The following SLC12A6 variants were observed in gnomAD, a reference collection of about 807,000 sequenced individuals.
SLC12A6 encodes the protein solute carrier family 12 member 6, also known as K-Cl cotransporter 3.
Under a neutral mutation model 135.3 loss-of-function variants are expected in SLC12A6, and 66 were observed. The observed-to-expected ratio is 0.49, with a 90% CI of 0.40 to 0.60. The LOEUF (loss-of-function observed/expected upper bound fraction) is 0.60, where lower values mean the gene tolerates loss of function less well. Ranked by LOEUF, SLC12A6 falls within the 20% of genes least tolerant of loss-of-function variation. SLC12A6 has a pLI of 0.00. For missense variants in SLC12A6, 1,058 were observed against 1,452.3 expected, an observed-to-expected ratio of 0.73 and a Z score of 4.41; for synonymous variants, 513 against 508.8, an observed-to-expected ratio of 1.01 and a Z score of -0.11.
In SLC12A6 at chr15:34,269,232, C is replaced by T. The variant is rs575512987; in HGVS notation, c.316+6113G>A. Among the ~76,000 whole-genome samples the T allele has an allele frequency of 2.6e-5, 4 of 152,232 alleles. No individual in the cohort carries two copies. The South Asian group carries it at 8.3e-4, about 32-fold the overall frequency. ...TTTTGGGAAACTTACTGGTGTTTCA[C>T]TGCATAATTCAAATGAAAACTGATA... is the stretch of plus-strand genomic sequence containing the variant. On this transcript the variant is annotated intron_variant, in intron 3 of 25. Coordinates refer to ENST00000354181, the MANE Select transcript of SLC12A6 (RefSeq NM_001365088.1).
chr15:34,262,002 T>G (rs1395094199), intron 3 of SLC12A6, among the ~76,000 whole-genome samples: 1 of 150,438 alleles, frequency 6.6e-6, no homozygotes, highest in Non-Finnish European at 1.5e-5. Context: ...TTACTGGGTA[T>G]ATACCCAAAG....
chr15:34,246,490 TA>T (rs1595421178), intron 13 of SLC12A6, among the ~76,000 whole-genome samples: 1 of 152,194 alleles, frequency 6.6e-6, no homozygotes, highest in Admixed American at 6.5e-5. Context: ...TTCTATGTCA[TA>T]AAAAGCTATG....
chr15:34,305,463 T>C (rs1896543006), intron 2 of SLC12A6, among the ~76,000 whole-genome samples: 1 of 151,796 alleles, frequency 6.6e-6, no homozygotes, highest in Admixed American at 6.6e-5. Context: ...TCAATAATTG[T>C]TCATACTCAT....
intron 2 of SLC12A6, among the ~76,000 whole-genome samples, chr15:34,314,347 A>G (rs1888483098): frequency 6.6e-6 from 1 of 152,132 alleles, no homozygotes; most frequent in South Asian, 2.1e-4. Context: ...GCACCCAGCT[A>G]GTTTACCGAG....
At chr15:34,247,636 C>T (rs1892087678) in intron 13 of SLC12A6, among the ~76,000 whole-genome samples, 1 of 152,044 alleles carries the variant, frequency 6.6e-6, no homozygotes, top group Non-Finnish European at 1.5e-5. Context: ...AAACAGAACA[C>T]TGCCAGTACC....
intron 2 of SLC12A6, among the ~76,000 whole-genome samples, chr15:34,288,128 T>C (rs1187735424): frequency 6.6e-6 from 1 of 152,232 alleles, no homozygotes; most frequent in African/African-American, 2.4e-5. Flanking sequence ...GTTTAAGTCT[T>C]TGATCCATCT....
intron 2 of SLC12A6, among the ~76,000 whole-genome samples, chr15:34,295,538 T>C (rs1209626403): frequency 2.6e-5 from 4 of 152,226 alleles, no homozygotes; most frequent in Non-Finnish European, 5.9e-5. Flanking sequence ...AAACATTTTG[T>C]AGTACAATAG....
At chr15:34,280,686 A>G (rs993580834) in intron 2 of SLC12A6, among the ~76,000 whole-genome samples, 1 of 152,210 alleles carries the variant, frequency 6.6e-6, no homozygotes, top group African/African-American at 2.4e-5. Context: ...TATACAAAGC[A>G]AAGGAAATTA....
At chr15:34,268,069 C>T (rs997459145) in intron 3 of SLC12A6, among the ~76,000 whole-genome samples, 12 of 152,246 alleles carry the variant, frequency 7.9e-5, no homozygotes, top group Middle Eastern at 3.4e-3. Context: ...AGGACCATGT[C>T]ATTTCTCTTG....
intron 2 of SLC12A6, among the ~76,000 whole-genome samples, chr15:34,295,084 T>C (rs536765760): frequency 6.6e-6 from 1 of 152,214 alleles, no homozygotes; most frequent in Non-Finnish European, 1.5e-5. Flanking sequence ...ATGTATGTGA[T>C]AGACACCTAA....
At position 34,336,421 on chromosome 15, in the gene SLC12A6, T is replaced by A. The variant is rs1890199427; in HGVS notation, c.260A>T (p.Asp87Val). The A allele has an allele frequency of 6.2e-7, 1 of 1,613,732 alleles. No individual in the cohort carries two copies. Among genetic ancestry groups the A allele is most frequent in the Non-Finnish European group, 8.5e-7 (1 of 1,179,748 alleles). Residue 87 changes from aspartate to valine, a missense_variant, in exon 2 of 26, where the codon GAT becomes GTT. This residue lies in a region of SLC12A6 where 176 missense variants were observed against 168.9 expected (regional missense o/e 1.04). Transcript: ENST00000354181. ...GTGTTTCTACTTACCCTCGATGACA[T>A]CCTGGGGGTGAGAAGTCCGGTCACT... ...PPSDRTSHPQDVIEDLSQNSI... is the reference protein window; with the variant it reads ...PPSDRTSHPQVVIEDLSQNSI...
chr15:34,260,548 G>A (rs972212867), intron 4 of SLC12A6, among the ~76,000 whole-genome samples: 2 of 152,158 alleles, frequency 1.3e-5, no homozygotes, highest in East Asian at 1.9e-4. Context: ...GTGAGCCACC[G>A]CGCCCGGCCT....
At chr15:34,274,441 C>A (rs2140883268) in intron 3 of SLC12A6, among the ~76,000 whole-genome samples, 1 of 152,206 alleles carries the variant, frequency 6.6e-6, no homozygotes, top group East Asian at 1.9e-4. Context: ...TTTATATATG[C>A]CTTTTGTTTG....
chr15:34,243,902 T>A, intron 16 of SLC12A6, 72 bp downstream of exon 16: 1 of 924,802 alleles, frequency 1.1e-6, no homozygotes, highest in Non-Finnish European at 1.8e-6. Flanking sequence ...GAACCCAGAC[T>A]CTCCTAGTTT....
intron 2 of SLC12A6, among the ~76,000 whole-genome samples, chr15:34,310,410 C>G (rs1455866417): frequency 9.1e-6 from 1 of 109,578 alleles, no homozygotes; most frequent in African/African-American, 3.7e-5. Context: ...AACTCCTGGG[C>G]TCAAGTGTGT....
chr15:34,314,080 C>T (rs1888459448), intron 2 of SLC12A6, among the ~76,000 whole-genome samples: 1 of 138,164 alleles, frequency 7.2e-6, no homozygotes, highest in Non-Finnish European at 1.5e-5. Context: ...CGTAGTCTTG[C>T]TCTGTTGCTT....
intron 2 of SLC12A6, among the ~76,000 whole-genome samples, chr15:34,277,449 C>CTA (rs138293363): frequency 6.0e-5 from 9 of 150,840 alleles, no homozygotes; most frequent in Admixed American, 2.0e-4. Context: ...CAACCCCCCA[C>CTA]TATATATATA....
At chr15:34,336,922 A>C (rs1890239194) in intron 1 of SLC12A6, 170 bp from the exon 2 acceptor site, 1 of 562,492 alleles carries the variant, frequency 1.8e-6, no homozygotes, top group African/African-American at 1.9e-5. Context: ...AACAAAAAAC[A>C]AAAAGACAAA....
chr15:34,332,974 T>G (rs928455864), intron 2 of SLC12A6, among the ~76,000 whole-genome samples: 1 of 152,136 alleles, frequency 6.6e-6, no homozygotes, highest in Non-Finnish European at 1.5e-5. Flanking sequence ...CACTTTGTGA[T>G]CTACAAATAA....
Sources: allele counts gnomAD v4.1 joint callset (sites outside exome capture counted in the v4.1 genomes callset), GRCh38; gene constraint gnomAD v4.1.1; regional missense constraint gnomAD v4.1.1; transcripts MANE v1.5; gene names NCBI Gene and HGNC (gene_info 2026-07-23, HGNC 2026-07-21).